The following RPL3L variants were observed in gnomAD, a reference collection of about 807,000 sequenced individuals.
RPL3L encodes the protein ribosomal protein uL3-like.
In RPL3L, 44 loss-of-function variants were observed where a neutral mutation model predicts 44.5. The observed-to-expected ratio is 0.99, with a 90% CI of 0.78 to 1.27. The LOEUF (loss-of-function observed/expected upper bound fraction) is 1.27, where lower values mean the gene tolerates loss of function less well. Among genes scored for constraint, RPL3L ranks in the 50% most tolerant of loss-of-function variants. RPL3L has a pLI of 0.00. For missense variants in RPL3L, 631 were observed against 569.1 expected (o/e 1.11, Z -1.11); for synonymous variants, 292 against 230.7 (o/e 1.27, Z -2.41).
chr16:1,947,213 G>T lies in RPL3L; in HGVS notation c.669C>A (p.Thr223=). The change falls in exon 5 of 10, where the codon ACC becomes ACA. Residue 223 remains threonine, a synonymous_variant. Coordinates refer to ENST00000268661, the MANE Select transcript of RPL3L (RefSeq NM_005061.3). ...QSEVIDVIAV[T]KGRGVKGVTS... is the part of the protein sequence containing the mutation. Reference sequence around the variant, plus strand: ...CCCTACCTTTGACGCCTCGACCCTTGGTGACAGCAATGACATCAATGACCT... The same window carrying T: ...CCCTACCTTTGACGCCTCGACCCTTTGTGACAGCAATGACATCAATGACCT... 1 of 1,612,946 alleles carries T rather than the reference G, an allele frequency of 6.2e-7. No individual in the cohort carries two copies. The highest frequency in any genetic ancestry group is 8.5e-7 in the Non-Finnish European group (1 of 1,179,336).
At position 1,954,171 on chromosome 16, in the gene RPL3L, G is replaced by A. The variant is rs1400618063; in HGVS notation, c.4-23C>T. 4 of 1,543,898 alleles carry A rather than the reference G, an allele frequency of 2.6e-6. No homozygotes were observed. In the African/African-American group the frequency reaches 4.1e-5, roughly 16 times the overall value. ...GGACTGGGGGGCAGGAAGGAAGGAG[G>A]TCAGACCTGGGGTGTCCCTGGTGGT... On this transcript the variant is annotated intron_variant, in intron 1 of 9. Coordinates refer to ENST00000268661, the MANE Select transcript of RPL3L (RefSeq NM_005061.3).
At position 1,952,893 on chromosome 16, in the gene RPL3L, GC is replaced by G. The variant is rs747037227; in HGVS notation, c.345del (p.Arg116AlafsTer38). On this transcript the variant is annotated frameshift_variant, in exon 3 of 10. Coordinates refer to ENST00000268661, the MANE Select transcript of RPL3L (RefSeq NM_005061.3). LOFTEE classifies it high-confidence loss of function. ...IFAEHLSDEC[R>X]RRFYKDWHKS... ...GCTCACCAGTCCTTGTAGAATCGGC[GC>G]CGGCACTCATCACTGAGGTGTTCTG... The G allele has an allele frequency of 6.2e-6, 10 of 1,613,912 alleles. No homozygotes were observed. Among genetic ancestry groups the G allele is most frequent in the Non-Finnish European group, 7.6e-6 (9 of 1,179,992 alleles).
At chr16:1,953,885 G>C (rs549528567) in intron 2 of RPL3L, 71 bp downstream of exon 2, 100 of 1,376,500 alleles carry the variant, frequency 7.3e-5, no homozygotes, top group Non-Finnish European at 9.1e-5. Context: ...GACCAAAAGC[G>C]TGAGTTCTGG....
chr16:1,945,955 C>A, intron 7 of RPL3L, 25 bp from the exon 8 acceptor site: 1 of 1,584,878 alleles, frequency 6.3e-7, no homozygotes, highest in South Asian at 1.1e-5. Flanking sequence ...GGTCAGAGGC[C>A]AGGCCCGGAA....
At position 1,953,991 on chromosome 16, in the gene RPL3L, G is replaced by T. The variant is rs1597030688; in HGVS notation, c.161C>A (p.Thr54Asn). 2 of 1,594,844 alleles carry T rather than the reference G, an allele frequency of 1.3e-6. No individual in the cohort carries two copies. Among genetic ancestry groups the T allele is most frequent in the East Asian group, 4.6e-5 (2 of 43,800 alleles). ...TAFLGYKAGM[T>N]HTLREVHRPG... Reference sequence around the variant, plus strand: ...CCGGTGCACCTCCCGCAGGGTGTGGGTCATGCCCGCCTTGTAGCCCAGGAA... The same window carrying T: ...CCGGTGCACCTCCCGCAGGGTGTGGTTCATGCCCGCCTTGTAGCCCAGGAA... Residue 54 changes from threonine (T) to asparagine (N), a missense_variant, in exon 2 of 10, where the codon ACC becomes AAC. Transcript: ENST00000268661.
Position 1,946,951 on chromosome 16 carries a change from T to G in RPL3L, c.836A>C (p.Glu279Ala). 1 of 1,604,080 alleles carries G rather than the reference T, an allele frequency of 6.2e-7. No individual in the cohort carries two copies. The highest frequency in any genetic ancestry group is 8.5e-7 in the Non-Finnish European group (1 of 1,175,730). ...AGQKGYHHRT[E>A]LNKKIFRIGR... The stretch of plus-strand genomic sequence containing the variant: ...CTGAGGACGCACCTTCTTGTTGAGC[T>G]CCGTGCGGTGGTGATAGCCCTTCTG... The change falls in exon 6 of 10, where the codon GAG becomes GCG. Residue 279 changes from glutamate to alanine, a missense_variant. Glu to Ala is a moderately radical substitution (Grantham distance 107). Transcript: ENST00000268661.
intron 3 of RPL3L, 89 bp from the exon 4 acceptor site, chr16:1,951,068 A>T (rs1220572222): frequency 2.0e-5 from 30 of 1,520,626 alleles, no homozygotes; most frequent in Non-Finnish European, 2.6e-5. Context: ...CCAGCCCACC[A>T]AGCAGGGGTC....
In RPL3L at chr16:1,953,994, ATGCCCG is replaced by A; in HGVS notation, c.152_157del (p.Ala51_Met53delinsVal). ...GTGCACCTCCCGCAGGGTGTGGGTC[ATGCCCG>A]CCTTGTAGCCCAGGAAGGCCGTGAG... On this transcript the variant is annotated inframe_deletion, in exon 2 of 10. Transcript: ENST00000268661. 1 of 1,595,038 alleles carries A rather than the reference ATGCCCG, an allele frequency of 6.3e-7. No individual in the cohort carries two copies. The highest frequency in any genetic ancestry group is 8.6e-7 in the Non-Finnish European group (1 of 1,168,904).
intron 9 of RPL3L, 55 bp downstream of exon 9, chr16:1,945,444 C>A: frequency 6.4e-7 from 1 of 1,571,020 alleles, no homozygotes; most frequent in Non-Finnish European, 8.6e-7. Flanking sequence ...CTCGGGCAGG[C>A]TGGATGTGGA....
In RPL3L at chr16:1,946,947, G is replaced by T; in HGVS notation, c.840C>A (p.Leu280=). The stretch of plus-strand genomic sequence containing the variant: ...CCGGCTGAGGACGCACCTTCTTGTT[G>T]AGCTCCGTGCGGTGGTGATAGCCCT... ...GQKGYHHRTE[L]NKKIFRIGRG... Residue 280 remains leucine (L), a synonymous_variant, in exon 6 of 10, where the codon CTC becomes CTA. Transcript: ENST00000268661. 6.2e-7 allele frequency: 1 copy of T among 1,601,552 alleles called. No homozygotes were observed.
rs1224895227 is a variant in RPL3L, at chr16:1,944,570, C to T, written c.*267G>A. ...AAAAAAAAAAAAAAAAAAACCTCTG[C>T]TCCGCAAATGCTCAAAGAGATCGAT... On this transcript the variant is annotated 3_prime_UTR_variant, in exon 10 of 10. Coordinates refer to ENST00000268661, the MANE Select transcript of RPL3L (RefSeq NM_005061.3). 2 of 311,182 alleles carry T rather than the reference C, an allele frequency of 6.4e-6. No individual in the cohort carries two copies. The highest frequency in any genetic ancestry group is 1.2e-5 in the Non-Finnish European group (2 of 165,806). The allele number at this position is 311,182 out of a possible 1,614,324, so 19.3% of individuals were successfully genotyped here.
At chr16:1,945,341 C>A (rs1403754103) in intron 9 of RPL3L, among the ~76,000 whole-genome samples, 158 bp downstream of exon 9, 1 of 134,510 alleles carries the variant, frequency 7.4e-6, no homozygotes, top group Non-Finnish European at 1.5e-5. Context: ...GGTGACAGAG[C>A]GAGACTCCAT....
At chr16:1,952,710 A>C (rs1307413538) in intron 3 of RPL3L, among the ~76,000 whole-genome samples, 164 bp downstream of exon 3, 1 of 150,594 alleles carries the variant, frequency 6.6e-6, no homozygotes, top group Non-Finnish European at 1.5e-5. Context: ...GCAACCACAC[A>C]ACACACACAC....
rs1016411170 is a variant in RPL3L, at chr16:1,946,529, C to T, written c.951+96G>A. On this transcript the variant is annotated intron_variant, in intron 7 of 9. Coordinates refer to ENST00000268661, the MANE Select transcript of RPL3L (RefSeq NM_005061.3). ...CGTCCAGCTGAGGCTGGGGCATGCC[C>T]CCTACATGTATACCAGGCCCCCCGG... 1.8e-5 allele frequency: 22 copies of T among 1,255,420 alleles called. No homozygotes were observed. In the African/African-American group the frequency reaches 3.0e-4, roughly 17 times the overall value. 77.8% of individuals were successfully genotyped at this position (1,255,420 alleles called of 1,614,324 possible).
At chr16:1,947,801 G>C (rs2083135644) in intron 4 of RPL3L, among the ~76,000 whole-genome samples, 1 of 152,186 alleles carries the variant, frequency 6.6e-6, no homozygotes. Context: ...TGGTGGCAGA[G>C]GAGGCCTTGG....
rs2083123180 is a variant in RPL3L, at chr16:1,946,695, T to A, written c.881A>T (p.Glu294Val). The A allele has an allele frequency of 6.2e-7, 1 of 1,612,748 alleles. No individual in the cohort carries two copies. ...IFRIGRGPHM[E>V]DGKLVKNNAS... ...ATTGTTCTTCACCAGCTTCCCGTCC[T>A]CCATGTGCGGGCCCCTGCCGATGCG... Residue 294 changes from glutamate (E) to valine (V), a missense_variant, in exon 7 of 10, where the codon GAG becomes GTG. Transcript: ENST00000268661.
intron 2 of RPL3L, among the ~76,000 whole-genome samples, chr16:1,953,482 A>C (rs919943731): frequency 2.0e-5 from 3 of 152,182 alleles, no homozygotes; most frequent in Middle Eastern, 3.2e-3. Context: ...GGCCTCCCAA[A>C]GTGCTGGGAT....
intron 4 of RPL3L, among the ~76,000 whole-genome samples, chr16:1,949,942 T>G (rs1321135586): frequency 7.1e-5 from 4 of 56,260 alleles, no homozygotes; most frequent in Non-Finnish European, 1.3e-4. Context: ...GGCAGGTATG[T>G]AAGGGGCAGG....
chr16:1,952,755 G>T, intron 3 of RPL3L, 119 bp downstream of exon 3: 2 of 1,190,738 alleles, frequency 1.7e-6, no homozygotes, highest in Non-Finnish European at 2.4e-6. Flanking sequence ...CCCACAGACG[G>T]TTGAGACTTC....
Sources: allele counts gnomAD v4.1 joint callset (sites outside exome capture counted in the v4.1 genomes callset), GRCh38; gene constraint gnomAD v4.1.1; transcripts MANE v1.5; gene names NCBI Gene and HGNC (gene_info 2026-07-23, HGNC 2026-07-21).